The following RGS6 variants were observed in gnomAD, a reference collection of about 807,000 sequenced individuals.
RGS6 encodes regulator of G protein signaling 6, also known as regulator of G-protein signaling 6.
Under a neutral mutation model 78.5 loss-of-function variants are expected in RGS6, and 30 were observed. The ratio of observed to expected loss-of-function variants is 0.38; its 90% CI spans 0.29 to 0.52. The LOEUF is 0.52. Among genes scored for constraint, RGS6 ranks in the 20% least tolerant of loss-of-function variants. The pLI is 0.85. For missense variants in RGS6, 495 were observed against 609.7 expected (o/e 0.81, Z 1.98); for synonymous variants, 206 against 206.0 (o/e 1.00, Z 0.00).
At chr14:72,017,521 AC>A (rs1366768721) in intron 2 of RGS6, among the ~76,000 whole-genome samples, 1 of 152,198 alleles carries the variant, frequency 6.6e-6, no homozygotes, top group African/African-American at 2.4e-5. Flanking sequence ...TGTCTGTGGT[AC>A]CATTGTATTA....
chr14:72,282,246 AT>A (rs2061704832), intron 2 of RGS6, among the ~76,000 whole-genome samples: 1 of 152,184 alleles, frequency 6.6e-6, no homozygotes, highest in Admixed American at 6.5e-5. Context: ...TCTCTATCAA[AT>A]ATACTTGACC....
chr14:72,358,320 C>T (rs2080783215), intron 3 of RGS6, among the ~76,000 whole-genome samples: 1 of 152,190 alleles, frequency 6.6e-6, no homozygotes, highest in South Asian at 2.1e-4. Flanking sequence ...AGAAGAGGGC[C>T]ACTGTCCTCC....
chr14:72,605,497 C>A, the RGS6 span, among the ~76,000 whole-genome samples: 1 of 152,254 alleles, frequency 6.6e-6, no homozygotes, highest in African/African-American at 2.4e-5. Context: ...ACATTCCTAA[C>A]CCACCCACCT....
At chr14:72,310,535 C>T (rs2068342253) in intron 2 of RGS6, among the ~76,000 whole-genome samples, 1 of 152,140 alleles carries the variant, frequency 6.6e-6, no homozygotes, top group Non-Finnish European at 1.5e-5. Context: ...TGGGGAAAAG[C>T]GTTGGAAGAA....
intron 3 of RGS6, among the ~76,000 whole-genome samples, chr14:72,408,492 G>A (rs1463402319): frequency 6.6e-6 from 1 of 152,144 alleles, no homozygotes; most frequent in Non-Finnish European, 1.5e-5. Flanking sequence ...TTAAATGTTT[G>A]CAAGACACAT....
the RGS6 span, among the ~76,000 whole-genome samples, chr14:71,921,513 T>C: frequency 2.6e-5 from 4 of 152,216 alleles, no homozygotes; most frequent in Non-Finnish European, 4.4e-5. Context: ...CAATGGAATA[T>C]TATCCAGCCC....
At chr14:72,445,401 G>A (rs1194812680) in intron 3 of RGS6, among the ~76,000 whole-genome samples, 2 of 151,926 alleles carry the variant, frequency 1.3e-5, no homozygotes, top group African/African-American at 4.8e-5. Context: ...TGTTGGCCAG[G>A]CTGGTCTCGA....
chr14:72,262,464 AG>A (rs1269089259), intron 2 of RGS6, among the ~76,000 whole-genome samples: 2 of 152,168 alleles, frequency 1.3e-5, no homozygotes, highest in African/African-American at 4.8e-5. Context: ...CTTCTTCTAA[AG>A]ACACCAATGC....
At chr14:72,275,201 TA>T (rs1437011544) in intron 2 of RGS6, among the ~76,000 whole-genome samples, 1 of 152,222 alleles carries the variant, frequency 6.6e-6, no homozygotes, top group African/African-American at 2.4e-5. Context: ...TCTGATTTTC[TA>T]AAAAATATCT....
chr14:72,458,313 A>G lies in RGS6; in HGVS notation c.278A>G (p.Tyr93Cys). ...GGGAGCCTTATCGCTGCCCAGGGCT[A>G]CATCTTTCCAATCTCAGACCATGTT... ...HLGSLIAAQG[Y>C]IFPISDHVLT... is the part of the protein sequence containing the mutation. The change falls in exon 5 of 18, where the codon TAC (tyrosine) becomes TGC (cysteine). Residue 93 changes from tyrosine to cysteine, a missense_variant. By Grantham distance (194) the Tyr-to-Cys change is radical. Transcript: ENST00000553525. The G allele has an allele frequency of 6.2e-7, 1 of 1,614,174 alleles. No homozygotes were observed. The highest frequency in any genetic ancestry group is 8.5e-7 in the Non-Finnish European group (1 of 1,179,978).
chr14:72,534,441 A>T (rs1010097161), intron 15 of RGS6, among the ~76,000 whole-genome samples: 30 of 152,226 alleles, frequency 2.0e-4, no homozygotes, highest in Non-Finnish European at 4.1e-4. Flanking sequence ...AGTGAAGACA[A>T]GTGGTATTTT....
intron 3 of RGS6, among the ~76,000 whole-genome samples, chr14:72,396,922 G>C (rs991936397): frequency 6.6e-6 from 1 of 152,188 alleles, no homozygotes; most frequent in Non-Finnish European, 1.5e-5. Flanking sequence ...TTTGGTACCA[G>C]TACCATGCTG....
At chr14:72,253,281 A>G (rs1594840557) in intron 2 of RGS6, among the ~76,000 whole-genome samples, 1 of 152,248 alleles carries the variant, frequency 6.6e-6, no homozygotes, top group African/African-American at 2.4e-5. Flanking sequence ...AAACAGAGCC[A>G]CGGCCCACCT....
intron 2 of RGS6, among the ~76,000 whole-genome samples, chr14:72,188,465 C>T (rs1239283592): frequency 7.6e-6 from 1 of 131,078 alleles, no homozygotes; most frequent in Non-Finnish European, 1.6e-5. Context: ...CCCATAGGTG[C>T]TAACTATAGC....
At chr14:72,059,977 G>GC (rs1398841485) in intron 2 of RGS6, among the ~76,000 whole-genome samples, 4 of 152,132 alleles carry the variant, frequency 2.6e-5, no homozygotes, top group Admixed American at 1.3e-4. Context: ...GCTGGAGTGT[G>GC]CGTTGTTCAA....
chr14:72,068,747 G>C (rs2094285994), intron 2 of RGS6, among the ~76,000 whole-genome samples: 1 of 150,496 alleles, frequency 6.6e-6, no homozygotes, highest in Non-Finnish European at 1.5e-5. Flanking sequence ...TATGTGCCTT[G>C]GCCTCCCAAA....
chr14:71,914,647 G>A, the RGS6 span, among the ~76,000 whole-genome samples: 1 of 151,818 alleles, frequency 6.6e-6, no homozygotes, highest in African/African-American at 2.4e-5. Context: ...TTTTGGGTAC[G>A]GAGTTTCACT....
intron 1 of RGS6, among the ~76,000 whole-genome samples, chr14:71,950,888 T>C (rs1263683120): frequency 6.6e-6 from 1 of 152,108 alleles, no homozygotes; most frequent in Non-Finnish European, 1.5e-5. Flanking sequence ...AGAATGGTGA[T>C]TATTAAAAAT....
chr14:71,964,995 C>A, intron 2 of RGS6, 120 bp downstream of exon 2: 1 of 592,944 alleles, frequency 1.7e-6, no homozygotes, highest in Non-Finnish European at 2.7e-6. Context: ...TGCATATTTT[C>A]TTCTCACATC....
Sources: allele counts gnomAD v4.1 joint callset (sites outside exome capture counted in the v4.1 genomes callset), GRCh38; gene constraint gnomAD v4.1.1; transcripts MANE v1.5; gene names NCBI Gene and HGNC (gene_info 2026-07-23, HGNC 2026-07-21).